The following DCC variants were observed in gnomAD, a reference collection of about 807,000 sequenced individuals.
The protein encoded by DCC is netrin receptor DCC.
In DCC, 58 loss-of-function variants were observed where a neutral mutation model predicts 172.5. That is an observed-to-expected ratio of 0.34 (90% CI 0.27 to 0.42). The LOEUF (loss-of-function observed/expected upper bound fraction) is 0.42. Among genes scored for constraint, DCC ranks in the 10% least tolerant of loss-of-function variants. The pLI is 1.00. For synonymous variants in DCC, 709 were observed against 644.5 expected (o/e 1.10, Z -1.52); for missense variants, 1,740 against 1,791.0 (o/e 0.97, Z 0.51).
chr18:52,585,748 C>G (rs975011530), intron 1 of DCC, among the ~76,000 whole-genome samples: 2 of 152,198 alleles, frequency 1.3e-5, no homozygotes, highest in Non-Finnish European at 2.9e-5. Flanking sequence ...GTATTCTACT[C>G]TTCTTCAGAA....
chr18:52,940,131 A>G (rs188486671), intron 5 of DCC, among the ~76,000 whole-genome samples: 2 of 152,256 alleles, frequency 1.3e-5, no homozygotes, highest in South Asian at 2.1e-4. Context: ...GAAAAGGAAG[A>G]CCATCTGGTG....
chr18:52,814,886 T>TA (rs927319233), intron 2 of DCC, among the ~76,000 whole-genome samples: 1 of 152,162 alleles, frequency 6.6e-6, no homozygotes, highest in African/African-American at 2.4e-5. Flanking sequence ...AGTGAGTGAT[T>TA]AGGACCCTGG....
chr18:52,784,254 TC>T (rs2037609983), intron 2 of DCC, among the ~76,000 whole-genome samples: 1 of 149,950 alleles, frequency 6.7e-6, no homozygotes, highest in African/African-American at 2.5e-5. Context: ...TAACAGAATT[TC>T]TTTTTTATAG....
At chr18:52,964,255 A>T (rs558423279) in intron 5 of DCC, among the ~76,000 whole-genome samples, 1 of 152,304 alleles carries the variant, frequency 6.6e-6, no homozygotes, top group South Asian at 2.1e-4. Flanking sequence ...TGCTCATTCC[A>T]AAAAGGGAAA....
At chr18:53,316,009 T>A (rs2057339850) in intron 13 of DCC, among the ~76,000 whole-genome samples, 2 of 152,222 alleles carry the variant, frequency 1.3e-5, no homozygotes, top group South Asian at 4.1e-4. Flanking sequence ...TTGTTGCCAT[T>A]GCTTTTGGTG....
chr18:52,893,887 A>T (rs1287038605), intron 2 of DCC, among the ~76,000 whole-genome samples: 1 of 144,930 alleles, frequency 6.9e-6, no homozygotes, highest in Non-Finnish European at 1.5e-5. Flanking sequence ...GTCAAAACAC[A>T]CAAGGCTTAT....
At chr18:52,856,691 T>G (rs2039061734) in intron 2 of DCC, among the ~76,000 whole-genome samples, 1 of 151,876 alleles carries the variant, frequency 6.6e-6, no homozygotes, top group Non-Finnish European at 1.5e-5. Flanking sequence ...AACTTTTAAT[T>G]AGAATTTTGT....
At chr18:52,417,939 A>T (rs556781151) in intron 1 of DCC, among the ~76,000 whole-genome samples, 1 of 152,208 alleles carries the variant, frequency 6.6e-6, no homozygotes, top group Admixed American at 6.5e-5. Context: ...TTGCGAGAAG[A>T]AGCAGCAGGA....
intron 1 of DCC, among the ~76,000 whole-genome samples, chr18:52,438,235 T>C (rs1193252112): frequency 6.6e-6 from 1 of 152,194 alleles, no homozygotes; most frequent in African/African-American, 2.4e-5. Flanking sequence ...ATCTGCAGTG[T>C]TGTAGATGGG....
intron 1 of DCC, among the ~76,000 whole-genome samples, chr18:52,696,219 G>A (rs2036009212): frequency 6.6e-6 from 1 of 152,172 alleles, no homozygotes; most frequent in Admixed American, 6.5e-5. Context: ...GGACCAGAAA[G>A]TGGAATCATA....
intron 2 of DCC, among the ~76,000 whole-genome samples, chr18:52,798,955 G>C (rs1159945376): frequency 6.6e-6 from 1 of 151,628 alleles, no homozygotes; most frequent in Non-Finnish European, 1.5e-5. Flanking sequence ...CACTATGTTG[G>C]CCAGGCTGGT....
At chr18:52,344,403 G>A (rs1983792314) in intron 1 of DCC, among the ~76,000 whole-genome samples, 2 of 152,160 alleles carry the variant, frequency 1.3e-5, no homozygotes, top group Non-Finnish European at 2.9e-5. Flanking sequence ...TTGTGATACT[G>A]CATCTTCTAA....
At chr18:52,427,014 A>G (rs1244931570) in intron 1 of DCC, among the ~76,000 whole-genome samples, 1 of 152,140 alleles carries the variant, frequency 6.6e-6, no homozygotes, top group Non-Finnish European at 1.5e-5. Flanking sequence ...AGAGACAAAA[A>G]CTGAGGTTTA....
At chr18:52,906,962 G>A (rs2039892766) in intron 3 of DCC, among the ~76,000 whole-genome samples, 1 of 151,808 alleles carries the variant, frequency 6.6e-6, no homozygotes, top group African/African-American at 2.4e-5. Context: ...GGTAAAGTGT[G>A]AAGAGTTCTC....
intron 12 of DCC, among the ~76,000 whole-genome samples, chr18:53,237,664 C>G (rs987039702): frequency 3.3e-5 from 5 of 151,956 alleles, no homozygotes; most frequent in African/African-American, 1.2e-4. Flanking sequence ...AGTATACCTT[C>G]CATAAAAAAA....
At chr18:53,099,943 C>CTTTTTTTTTTTTTTTTTTTTTTTT (rs533618559) in intron 7 of DCC, among the ~76,000 whole-genome samples, 1 of 92,756 alleles carries the variant, frequency 1.1e-5, no homozygotes, top group Non-Finnish European at 1.9e-5. Flanking sequence ...TTCTTTCTTT[C>CTTTTTTTTTTTTTTTTTTTTTTTT]TTTTTTTTTT....
chr18:53,205,001 A>T (rs186642807), intron 9 of DCC, among the ~76,000 whole-genome samples: 4 of 152,250 alleles, frequency 2.6e-5, no homozygotes, highest in Admixed American at 2.6e-4. Context: ...TAAAATAGGC[A>T]ATTTTGGTTA....
intron 5 of DCC, among the ~76,000 whole-genome samples, chr18:53,032,196 T>C (rs1017655280): frequency 6.6e-6 from 1 of 152,144 alleles, no homozygotes; most frequent in Non-Finnish European, 1.5e-5. Context: ...AATAAAAAAA[T>C]ACAAAACTTG....
intron 1 of DCC, among the ~76,000 whole-genome samples, chr18:52,445,899 C>T (rs1988104601): frequency 6.6e-6 from 1 of 152,154 alleles, no homozygotes; most frequent in African/African-American, 2.4e-5. Context: ...AGCATGCAAA[C>T]TCCTTACCAG....
Sources: gnomAD v4.1 joint callset for allele counts (sites outside exome capture counted in the v4.1 genomes callset) on GRCh38, gnomAD v4.1.1 for gene constraint, MANE v1.5 for transcripts, NCBI Gene and HGNC (gene_info 2026-07-23, HGNC 2026-07-21) for gene names.